The following CEP128 variants were observed in gnomAD, a reference collection of about 807,000 sequenced individuals.
The protein encoded by CEP128 is centrosomal protein 128, also known as centrosomal protein 128kDa.
A neutral mutation model predicts 156.7 loss-of-function variants in CEP128; 132 were observed. The ratio of observed to expected loss-of-function variants is 0.84; its 90% CI spans 0.73 to 0.97. The LOEUF (loss-of-function observed/expected upper bound fraction) is 0.97, where lower values mean the gene tolerates loss of function less well. CEP128 is among the 50% of genes least tolerant of loss of function. The pLI, the probability that CEP128 is intolerant of heterozygous loss-of-function variation, is 0.00. For synonymous variants in CEP128, 469 were observed against 448.9 expected, an observed-to-expected ratio of 1.04 and a Z score of -0.57; for missense variants, 1,252 against 1,281.9, an observed-to-expected ratio of 0.98 and a Z score of 0.36.
chr14:80,812,329 T>A (rs187054889), intron 13 of CEP128, among the ~76,000 whole-genome samples: 1 of 152,228 alleles, frequency 6.6e-6, no homozygotes, highest in South Asian at 2.1e-4. Context: ...GTTGATTCCA[T>A]TTCTTTGCTA....
At chr14:80,958,985 G>A (rs1204601915) in intron 1 of CEP128, among the ~76,000 whole-genome samples, 3 of 152,134 alleles carry the variant, frequency 2.0e-5, no homozygotes, top group East Asian at 1.9e-4. Flanking sequence ...AATTATGATG[G>A]TGCCGAGAAC....
intron 19 of CEP128, among the ~76,000 whole-genome samples, chr14:80,727,400 G>A (rs1332598265): frequency 1.3e-5 from 2 of 152,208 alleles, no homozygotes; most frequent in South Asian, 2.1e-4. Flanking sequence ...TACAGAAGTG[G>A]AGAGGCCAAA....
At chr14:80,813,167 T>A (rs2139956777) in intron 13 of CEP128, among the ~76,000 whole-genome samples, 1 of 152,316 alleles carries the variant, frequency 6.6e-6, no homozygotes, top group East Asian at 1.9e-4. Flanking sequence ...ATTCTGTAGG[T>A]TGTCTGTTTA....
At chr14:80,666,435 GA>G (rs1464283895) in intron 19 of CEP128, among the ~76,000 whole-genome samples, 1 of 152,078 alleles carries the variant, frequency 6.6e-6, no homozygotes, top group Non-Finnish European at 1.5e-5. Flanking sequence ...TGATTCCCAG[GA>G]AATCAACAAC....
At chr14:80,609,807 T>C (rs1322329571) in intron 19 of CEP128, among the ~76,000 whole-genome samples, 1 of 151,864 alleles carries the variant, frequency 6.6e-6, no homozygotes, top group Non-Finnish European at 1.5e-5. Context: ...TAAAATGAGA[T>C]ACAAGTACTG....
chr14:80,711,295 TTGTGTGTGTGTGTGTG>T (rs138953286), intron 19 of CEP128, among the ~76,000 whole-genome samples: 3 of 145,740 alleles, frequency 2.1e-5, no homozygotes, highest in Non-Finnish European at 4.5e-5. Context: ...TAAGACTATG[TTGTGTGTGTGTGTGTG>T]TGTGTGTGTG....
intron 8 of CEP128, among the ~76,000 whole-genome samples, chr14:80,882,010 C>T (rs1434558883): frequency 6.6e-6 from 1 of 151,976 alleles, no homozygotes; most frequent in Non-Finnish European, 1.5e-5. Flanking sequence ...GAAGTCCTAG[C>T]TAGAATAATA....
At chr14:80,723,156 T>C (rs918316769) in intron 19 of CEP128, among the ~76,000 whole-genome samples, 4 of 152,066 alleles carry the variant, frequency 2.6e-5, no homozygotes, top group Admixed American at 2.6e-4. Flanking sequence ...ACTAAGAGAA[T>C]TGCCAATCTA....
chr14:80,946,771 A>T (rs1377415780), intron 2 of CEP128, among the ~76,000 whole-genome samples: 2 of 152,198 alleles, frequency 1.3e-5, no homozygotes. Context: ...CCAAATTTAT[A>T]CAACTATGAA....
chr14:80,868,406 T>C (rs367964701), intron 8 of CEP128, among the ~76,000 whole-genome samples: 4 of 151,996 alleles, frequency 2.6e-5, no homozygotes, highest in African/African-American at 7.2e-5. Flanking sequence ...AGACTCTGTA[T>C]GCAGTCAAAG....
chr14:80,949,449 G>GA (rs1435878043), intron 2 of CEP128, among the ~76,000 whole-genome samples: 2 of 151,994 alleles, frequency 1.3e-5, no homozygotes, highest in African/African-American at 4.8e-5. Context: ...ACACACATGT[G>GA]AAAAAAATGA....
At chr14:80,895,254 C>T (rs1889290803) in intron 8 of CEP128, among the ~76,000 whole-genome samples, 2 of 151,940 alleles carry the variant, frequency 1.3e-5, no homozygotes, top group Non-Finnish European at 2.9e-5. Context: ...CCATATCAGA[C>T]AAAAACAGAC....
chr14:80,632,561 T>C (rs1410258118), intron 19 of CEP128, among the ~76,000 whole-genome samples: 2 of 149,418 alleles, frequency 1.3e-5, no homozygotes. Context: ...ATATAATATA[T>C]AAAATCTATT....
At chr14:80,626,799 G>A (rs1012032909) in intron 19 of CEP128, among the ~76,000 whole-genome samples, 3 of 151,980 alleles carry the variant, frequency 2.0e-5, no homozygotes, top group African/African-American at 4.8e-5. Flanking sequence ...ATGTGGTGGC[G>A]GGCACCTATA....
chr14:80,767,934 G>A (rs1900321818), intron 16 of CEP128, among the ~76,000 whole-genome samples: 1 of 152,056 alleles, frequency 6.6e-6, no homozygotes, highest in South Asian at 2.1e-4. Flanking sequence ...ATCAGACTGT[G>A]AGTACCTCTA....
At chr14:80,545,799 G>T (rs1024143148) in intron 21 of CEP128, among the ~76,000 whole-genome samples, 2 of 152,076 alleles carry the variant, frequency 1.3e-5, no homozygotes, top group Non-Finnish European at 2.9e-5. Context: ...AGGTTTTAGG[G>T]GACACACTAA....
chr14:80,698,629 A>G (rs1483029097), intron 19 of CEP128, among the ~76,000 whole-genome samples: 1 of 152,190 alleles, frequency 6.6e-6, no homozygotes, highest in Non-Finnish European at 1.5e-5. Context: ...AGCACTTTTC[A>G]AAAATTAAAG....
chr14:80,596,278 T>C (rs2140507696), intron 19 of CEP128, among the ~76,000 whole-genome samples: 3 of 152,200 alleles, frequency 2.0e-5, no homozygotes, highest in Admixed American at 2.0e-4. Flanking sequence ...AGGTATTATA[T>C]CGTGAAAGTA....
intron 19 of CEP128, among the ~76,000 whole-genome samples, chr14:80,668,597 C>T (rs1036993281): frequency 6.6e-6 from 1 of 151,922 alleles, no homozygotes; most frequent in African/African-American, 2.4e-5. Flanking sequence ...CATTAGGAGT[C>T]CCTGAGGAAG....
Sources: gnomAD v4.1 joint callset for allele counts (sites outside exome capture counted in the v4.1 genomes callset) on GRCh38, gnomAD v4.1.1 for gene constraint, MANE v1.5 for transcripts, NCBI Gene and HGNC (gene_info 2026-07-23, HGNC 2026-07-21) for gene names.